Variants in HADHB observed in about 807,000 individuals in gnomAD.
The protein encoded by HADHB is trifunctional enzyme subunit beta, mitochondrial.
In HADHB, 50 loss-of-function variants were observed where a neutral mutation model predicts 61.9. That is an observed-to-expected ratio of 0.81 (90% CI 0.64 to 1.02). The LOEUF is 1.02. Among genes scored for constraint, HADHB ranks in the 50% least tolerant of loss-of-function variants. The pLI is 0.00. For missense variants in HADHB, 504 were observed against 586.5 expected (o/e 0.86, Z 1.45); for synonymous variants, 191 against 201.6 (o/e 0.95, Z 0.45).
intron 6 of HADHB, among the ~76,000 whole-genome samples, chr2:26,275,151 T>G (rs953518842): frequency 6.6e-6 from 1 of 152,208 alleles, no homozygotes; most frequent in East Asian, 1.9e-4. Flanking sequence ...TCTAAAGCTG[T>G]ATTGCAACCT....
At chr2:26,286,467 A>C (rs955989694) in intron 15 of HADHB, among the ~76,000 whole-genome samples, 1 of 152,066 alleles carries the variant, frequency 6.6e-6, no homozygotes, top group Non-Finnish European at 1.5e-5. Context: ...ATCTCACTCT[A>C]GGAATAAAAT....
rs372006332 is a variant in HADHB, at chr2:26,278,739, A to G, written c.568A>G (p.Lys190Glu). ...ACTGATGCTTGATCTCAATAAGGCC[A>G]AATCTATGGGCCAGCGACTGTCTTT... is the stretch of plus-strand genomic sequence containing the variant. Reference protein sequence around the residue: ...RKLMLDLNKAKSMGQRLSLIS... With the variant: ...RKLMLDLNKAESMGQRLSLIS... Residue 190 changes from lysine to glutamate, a missense_variant, in exon 8 of 16, where the codon AAA (lysine) becomes GAA (glutamate). Physicochemically the swap from Lys to Glu is moderately conservative, Grantham distance 56. Transcript: ENST00000317799. The G allele has an allele frequency of 3.7e-6, 6 of 1,613,938 alleles. No individual in the cohort carries two copies. The African/African-American group carries it at 8.0e-5, about 22-fold the overall frequency.
chr2:26,281,366 T>C (rs1672780394), intron 10 of HADHB, among the ~76,000 whole-genome samples: 1 of 152,168 alleles, frequency 6.6e-6, no homozygotes, highest in African/African-American at 2.4e-5. Context: ...TATTTGCCCA[T>C]GGTAAATGAC....
At chr2:26,246,909 TA>T (rs1487927253) in intron 1 of HADHB, among the ~76,000 whole-genome samples, 1 of 152,204 alleles carries the variant, frequency 6.6e-6, no homozygotes, top group Non-Finnish European at 1.5e-5. Flanking sequence ...CCTAACTGTG[TA>T]TCAAGCACTG....
intron 1 of HADHB, among the ~76,000 whole-genome samples, chr2:26,245,696 TTGCA>T (rs1671122398): frequency 6.6e-6 from 1 of 152,090 alleles, no homozygotes; most frequent in Non-Finnish European, 1.5e-5. Flanking sequence ...GAGTTCTTCA[TTGCA>T]TGGTAGCTGT....
intron 7 of HADHB, among the ~76,000 whole-genome samples, 186 bp downstream of exon 7, chr2:26,277,346 T>G (rs554656559): frequency 1.3e-5 from 2 of 148,860 alleles, no homozygotes; most frequent in African/African-American, 4.9e-5. Flanking sequence ...CAAGAGATCA[T>G]CCTGCCTTAG....
chr2:26,284,618 C>T (rs1483940564), intron 13 of HADHB, among the ~76,000 whole-genome samples: 1 of 151,884 alleles, frequency 6.6e-6, no homozygotes, highest in East Asian at 1.9e-4. Context: ...CGCCTGCCAC[C>T]ATGCCCGACT....
chr2:26,274,272 G>A (rs1356971100), intron 6 of HADHB, among the ~76,000 whole-genome samples: 1 of 152,176 alleles, frequency 6.6e-6, no homozygotes, highest in East Asian at 1.9e-4. Context: ...ATGTAGTGTC[G>A]ATTGGGCAAC....
At chr2:26,258,740 G>T (rs907168119) in intron 3 of HADHB, among the ~76,000 whole-genome samples, 13 of 152,204 alleles carry the variant, frequency 8.5e-5, no homozygotes, top group Admixed American at 6.5e-4. Flanking sequence ...TCCAAAGGGG[G>T]TTGCCCCTCC....
intron 7 of HADHB, among the ~76,000 whole-genome samples, chr2:26,277,755 G>C (rs1672609566): frequency 6.6e-6 from 1 of 152,294 alleles, no homozygotes; most frequent in African/African-American, 2.4e-5. Flanking sequence ...CTCTAGGAAG[G>C]TACTTCAGCA....
intron 15 of HADHB, among the ~76,000 whole-genome samples, chr2:26,288,064 C>T (rs528838630): frequency 5.9e-5 from 9 of 152,112 alleles, no homozygotes; most frequent in Non-Finnish European, 1.0e-4. Flanking sequence ...CGCAGGAATT[C>T]GAGACTAGCC....
Position 26,284,905 on chromosome 2 carries a change from A to G in HADHB, c.1172A>G (p.Lys391Arg), listed in dbSNP as rs1168370712. The G allele has an allele frequency of 3.1e-6, 5 of 1,594,686 alleles. No homozygotes were observed. In the African/African-American group the frequency reaches 6.7e-5, roughly 21 times the overall value. ...CAGGGTCAGATTTTGGCAAATTTTA[A>G]AGCCATGGATTCTGATTGGTTTGCA... ...AFSGQILANF[K>R]AMDSDWFAEN... The change falls in exon 14 of 16, where the codon AAA becomes AGA. Residue 391 changes from lysine (K) to arginine (R), a missense_variant. By Grantham distance (26) the Lys-to-Arg change is conservative. Transcript: ENST00000317799.
chr2:26,273,597 C>T (rs1672432185), intron 5 of HADHB, 54 bp from the exon 6 acceptor site: 2 of 949,468 alleles, frequency 2.1e-6, no homozygotes, highest in African/African-American at 3.2e-5. Context: ...GTGATGATCT[C>T]TGGCACTGCC....
At chr2:26,267,937 C>T (rs1672165986) in intron 4 of HADHB, among the ~76,000 whole-genome samples, 1 of 151,906 alleles carries the variant, frequency 6.6e-6, no homozygotes, top group Non-Finnish European at 1.5e-5. Flanking sequence ...GCCAGGAGTT[C>T]GAGACCGGCA....
intron 15 of HADHB, among the ~76,000 whole-genome samples, chr2:26,288,947 T>C (rs1466577305): frequency 6.6e-6 from 1 of 152,154 alleles, no homozygotes; most frequent in African/African-American, 2.4e-5. Context: ...TGCATAGTGC[T>C]GGATAAAAGA....
Position 26,254,298 on chromosome 2 carries a change from CA to C in HADHB, c.48del (p.Lys16AsnfsTer8). ...CCCTTTAAAAATCTTCCCACTGCATCAAAATGGGCCCTCAGATTTTGTAAGT... is the reference window on the plus strand; with the variant it reads ...CCCTTTAAAAATCTTCCCACTGCATCAAATGGGCCCTCAGATTTTGTAAGT... ...TYPFKNLPTA[S>X]KWALRFSIRP... On this transcript the variant is annotated frameshift_variant, in exon 2 of 16. Transcript: ENST00000317799. LOFTEE classifies it high-confidence loss of function. 1.3e-6 allele frequency: 2 copies of C among 1,545,974 alleles called. No individual in the cohort carries two copies. Among genetic ancestry groups the C allele is most frequent in the Non-Finnish European group, 1.8e-6 (2 of 1,118,200 alleles).
chr2:26,254,499 T>C, intron 3 of HADHB, 25 bp downstream of exon 3: 2 of 1,463,656 alleles, frequency 1.4e-6, no homozygotes, highest in Non-Finnish European at 1.9e-6. Context: ...AAAATAAATA[T>C]TTCTGATTTA....
rs1028272093 is a variant in HADHB at position 26,280,728 on chromosome 2, T to C, written c.933+613T>C. On this transcript the variant is annotated intron_variant, in intron 10 of 15. Coordinates refer to ENST00000317799, the MANE Select transcript of HADHB (RefSeq NM_000183.3). ...TTAGCCAGATGTGGTGGCACATGCC[T>C]GTTAATCCCGGCTACTCGGGAGGCT... Among the ~76,000 whole-genome samples, 12 of 151,958 alleles carry C rather than the reference T, an allele frequency of 7.9e-5. No homozygotes were observed. In the South Asian group the frequency reaches 1.2e-3, roughly 16 times the overall value.
chr2:26,261,146 T>TGTA, intron 3 of HADHB: 1 of 745,084 alleles, frequency 1.3e-6, no homozygotes, highest in Non-Finnish European at 2.3e-6. Context: ...TGGCAGGGAC[T>TGTA]GTAAGCAGGG....
Sources: gnomAD v4.1 joint callset for allele counts (sites outside exome capture counted in the v4.1 genomes callset) on GRCh38, gnomAD v4.1.1 for gene constraint, MANE v1.5 for transcripts, NCBI Gene and HGNC (gene_info 2026-07-23, HGNC 2026-07-21) for gene names.